MOK: variants seen among roughly 807,000 people sequenced by gnomAD.
MOK encodes MAPK/MAK/MRK overlapping kinase.
MOK carries 59 observed loss-of-function variants against 54.2 expected under a neutral mutation model. That is an observed-to-expected ratio of 1.09 (90% CI 0.88 to 1.35). The LOEUF (loss-of-function observed/expected upper bound fraction) is 1.35, where lower values mean the gene tolerates loss of function less well. MOK is among the 40% of genes most tolerant of loss of function. The probability of loss-of-function intolerance (pLI) is 0.00; values close to 1 mark genes in which losing one functional copy is unlikely to be tolerated. For missense variants in MOK, 517 were observed against 526.2 expected (o/e 0.98, Z 0.17); for synonymous variants, 210 against 202.7 (o/e 1.04, Z -0.31).
intron 7 of MOK, among the ~76,000 whole-genome samples, chr14:102,244,417 T>C (rs1284421559): frequency 6.6e-6 from 1 of 152,186 alleles, no homozygotes; most frequent in Non-Finnish European, 1.5e-5. Context: ...CATAACCTCT[T>C]CCACGTAGAT....
intron 1 of MOK, among the ~76,000 whole-genome samples, chr14:102,302,369 G>A (rs552007371): frequency 2.6e-5 from 4 of 151,640 alleles, no homozygotes; most frequent in South Asian, 4.2e-4. Context: ...CACTGCACCC[G>A]GCCCACAAAT....
rs147091956 is a variant in MOK at position 102,252,868 on chromosome 14, G to A, written c.284-873C>T. Among the ~76,000 whole-genome samples the A allele has an allele frequency of 9.8e-5, 15 of 152,330 alleles. No individual in the cohort carries two copies. In the East Asian group the frequency reaches 1.5e-3, roughly 16 times the overall value. ...ATGTCCACGGCTATTTCACGGTTAC[G>A]CTAAGAGGGGAAATATGACATAGGA... On this transcript the variant is annotated intron_variant, in intron 4 of 11. Transcript: ENST00000361847.
intron 4 of MOK, 62 bp downstream of exon 4, chr14:102,263,484 C>T (rs1022834134): frequency 1.7e-6 from 2 of 1,167,368 alleles, no homozygotes; most frequent in African/African-American, 1.6e-5. Flanking sequence ...AATAACTAAG[C>T]ATATATGAAT....
At chr14:102,252,586 A>AT (rs2066620327) in intron 4 of MOK, among the ~76,000 whole-genome samples, 1 of 152,140 alleles carries the variant, frequency 6.6e-6, no homozygotes, top group Non-Finnish European at 1.5e-5. Context: ...TCAACTATGT[A>AT]TTAGTAGCAC....
downstream of MOK, chr14:102,222,952 G>GC (rs2064089129): frequency 3.2e-5 from 51 of 1,590,524 alleles, no homozygotes; most frequent in South Asian, 5.2e-4. This position sits in a 1 kb window ranked among gnomAD's most constrained non-coding sequence, Gnocchi z 4.4. Context: ...GGAGCTCCGA[G>GC]CTGCGCCTGA....
At chr14:102,223,999 A>G (rs2064144005), downstream of MOK, among the ~76,000 whole-genome samples, 1 of 150,918 alleles carries the variant, frequency 6.6e-6, no homozygotes, top group Non-Finnish European at 1.5e-5. Flanking sequence ...GAGTATGAAC[A>G]TGGGACATGA....
chr14:102,298,717 C>G (rs1021086988), intron 1 of MOK, among the ~76,000 whole-genome samples: 2 of 152,158 alleles, frequency 1.3e-5, no homozygotes, highest in African/African-American at 2.4e-5. Context: ...GCAACATGCT[C>G]CAGTCCCCTT....
intron 4 of MOK, among the ~76,000 whole-genome samples, chr14:102,256,287 G>T (rs1349437487): frequency 6.6e-6 from 1 of 151,642 alleles, no homozygotes; most frequent in East Asian, 1.9e-4. Flanking sequence ...TTTTTGGGCT[G>T]GGCACGGTGG....
intron 1 of MOK, among the ~76,000 whole-genome samples, chr14:102,302,510 G>C (rs1053819125): frequency 2.6e-5 from 4 of 151,548 alleles, no homozygotes; most frequent in African/African-American, 9.7e-5. Flanking sequence ...CTGCCTCCCA[G>C]GTCCACGCCA....
chr14:102,282,019 C>G (rs2069493478), intron 2 of MOK, among the ~76,000 whole-genome samples: 1 of 152,166 alleles, frequency 6.6e-6, no homozygotes, highest in African/African-American at 2.4e-5. Context: ...ACCCAGTAAT[C>G]TAGAAAAAAT....
In MOK at chr14:102,249,172, A is replaced by G. The variant is rs1443100713; in HGVS notation, c.590+1640T>C. 6.6e-6 allele frequency among the ~76,000 whole-genome samples: 1 copy of G among 152,172 alleles called. No individual in the cohort carries two copies. The highest frequency in any genetic ancestry group is 1.5e-5 in the Non-Finnish European group (1 of 68,032). The stretch of plus-strand genomic sequence containing the variant: ...TTTCCACTTTACCAATAGGTCCGAC[A>G]TGTGTTTTCTAAGAGGCAAAAGACA... On this transcript the variant is annotated intron_variant, in intron 7 of 11. Coordinates refer to ENST00000361847, the MANE Select transcript of MOK (RefSeq NM_014226.3). This position sits in a 1 kb window ranked among gnomAD's most constrained non-coding sequence, Gnocchi z 5.3.
At chr14:102,225,128 A>G, downstream of MOK, 1 of 257,714 alleles carries the variant, frequency 3.9e-6, no homozygotes, top group South Asian at 4.2e-5. Flanking sequence ...TGGTGCGATC[A>G]TAGCTCATTG....
chr14:102,276,517 A>G (rs1407844678), intron 2 of MOK, among the ~76,000 whole-genome samples: 1 of 151,964 alleles, frequency 6.6e-6, no homozygotes, highest in Non-Finnish European at 1.5e-5. Flanking sequence ...AAAAAAATAA[A>G]AAGTTACAAT....
At chr14:102,239,644 G>A (rs1412433926) in intron 7 of MOK, among the ~76,000 whole-genome samples, 3 of 152,208 alleles carry the variant, frequency 2.0e-5, no homozygotes, top group Non-Finnish European at 1.5e-5. Flanking sequence ...GCCAAGCCTG[G>A]TGAATCACAA....
At chr14:102,282,202 T>G (rs997571479) in intron 2 of MOK, among the ~76,000 whole-genome samples, 66 of 151,652 alleles carry the variant, frequency 4.4e-4, no homozygotes, top group Middle Eastern at 6.8e-3. Flanking sequence ...AGCCCGGGAG[T>G]TCATGGTCAG....
chr14:102,251,895 T>A, intron 5 of MOK, 22 bp downstream of exon 5: 1 of 1,561,750 alleles, frequency 6.4e-7, no homozygotes, highest in Non-Finnish European at 8.8e-7. Context: ...ATTTCAGAGC[T>A]GTCAAATCTC....
chr14:102,218,307 C>T, the MOK span, among the ~76,000 whole-genome samples: 1 of 151,982 alleles, frequency 6.6e-6, no homozygotes, highest in African/African-American at 2.4e-5. Flanking sequence ...ACAGCTGTCT[C>T]CTTGAGGTTC....
intron 3 of MOK, 196 bp from the exon 4 acceptor site, chr14:102,263,812 C>A (rs2153134067): frequency 2.4e-6 from 1 of 422,144 alleles, no homozygotes. Flanking sequence ...AAAATACTAG[C>A]AAAACCCAAC....
At chr14:102,265,710 T>C in intron 3 of MOK, 113 bp downstream of exon 3, 1 of 758,024 alleles carries the variant, frequency 1.3e-6, no homozygotes, top group Non-Finnish European at 2.1e-6. Flanking sequence ...GTAAAAATGG[T>C]TACTCTCTGA....
Sources: gnomAD v4.1 joint callset for allele counts (sites outside exome capture counted in the v4.1 genomes callset) on GRCh38, gnomAD v4.1.1 for gene constraint, Gnocchi (gnomAD v3.1) non-coding constraint, MANE v1.5 for transcripts, NCBI Gene and HGNC (gene_info 2026-07-23, HGNC 2026-07-21) for gene names.